The following SETDB2 variants were observed in gnomAD, a reference collection of about 807,000 sequenced individuals.
The protein encoded by SETDB2 is SET domain bifurcated histone lysine methyltransferase 2.
SETDB2 carries 56 observed loss-of-function variants against 82.5 expected under a neutral mutation model. The ratio of observed to expected loss-of-function variants is 0.68; its 90% CI spans 0.55 to 0.85. The LOEUF is 0.85. SETDB2 is among the 40% of genes least tolerant of loss of function. The pLI, the probability that SETDB2 is intolerant of heterozygous loss-of-function variation, is 0.00. For synonymous variants in SETDB2, 272 were observed against 284.9 expected, an observed-to-expected ratio of 0.95 and a Z score of 0.46; for missense variants, 677 against 816.4, an observed-to-expected ratio of 0.83 and a Z score of 2.08.
intron 11 of SETDB2, chr13:49,485,982 T>G (rs1475859177): frequency 2.3e-5 from 14 of 612,714 alleles, no homozygotes; most frequent in Non-Finnish European, 4.0e-5. Flanking sequence ...GGTGATAATA[T>G]TTTGACACTT....
intron 2 of SETDB2, among the ~76,000 whole-genome samples, chr13:49,458,957 G>A (rs1213072098): frequency 2.6e-5 from 4 of 152,186 alleles, no homozygotes; most frequent in Non-Finnish European, 4.4e-5. Flanking sequence ...TAGGGCCTTC[G>A]ATGTCATGCC....
intron 6 of SETDB2, among the ~76,000 whole-genome samples, chr13:49,477,290 G>T (rs1471377374): frequency 6.6e-6 from 1 of 152,082 alleles, no homozygotes; most frequent in Non-Finnish European, 1.5e-5. Context: ...TTAAAAATTA[G>T]CTGGGTATGG....
chr13:49,476,521 A>G lies in SETDB2; in HGVS notation c.351A>G (p.Val117=), dbSNP rs1250163908. The G allele has an allele frequency of 1.2e-6, 2 of 1,610,064 alleles. No individual in the cohort carries two copies. The highest frequency in any genetic ancestry group is 2.2e-5 in the South Asian group (2 of 90,228). ...TTCTCTCTCTTGAAGATAAAGTTGT[A>G]GACTTTAGAGAAAAAGACTCATCTT... ...KEILSLEDKV[V]DFREKDSSSN... Residue 117 remains valine (V), a synonymous_variant, in exon 6 of 14, where the codon GTA becomes GTG. Coordinates refer to ENST00000611815, the MANE Select transcript of SETDB2 (RefSeq NM_001160308.3).
intron 2 of SETDB2, among the ~76,000 whole-genome samples, chr13:49,457,435 C>CT (rs34354093): frequency 0.051 from 5,041 of 97,984 alleles, 192 homozygotes; most frequent in Non-Finnish European, 0.068. Flanking sequence ...ATTTCTAAGA[C>CT]TTTTTTTTTT....
intron 5 of SETDB2, among the ~76,000 whole-genome samples, chr13:49,470,966 C>CTTTCTTTCTTTTTTTTTTTTTT (rs10695231): frequency 2.9e-4 from 23 of 80,486 alleles, no homozygotes; most frequent in East Asian, 4.0e-4. Context: ...TTCTTTCTTT[C>CTTTCTTTCTTTTTTTTTTTTTT]TTTTTTTTTT....
At position 49,494,654 on chromosome 13, in the gene SETDB2, A is replaced by T. The variant is rs796735787; in HGVS notation, c.*2805A>T. The T allele has an allele frequency of 9.0e-5, 6 of 66,624 alleles. No individual in the cohort carries two copies. In the South Asian group the frequency reaches 3.6e-3, roughly 40 times the overall value. 4.1% of individuals were successfully genotyped at this position (66,624 alleles called of 1,614,324 possible). A position where few individuals can be genotyped will look rare whatever the true frequency, so the allele number is the denominator to read the frequency against. Reference sequence around the variant, plus strand: ...CTGCATGGAGGGCAAAAAAAAATTTAAAAATTGGCTGCTAGGGTCTGTCTG... The same window carrying T: ...CTGCATGGAGGGCAAAAAAAAATTTTAAAATTGGCTGCTAGGGTCTGTCTG... On this transcript the variant is annotated 3_prime_UTR_variant, in exon 14 of 14. Coordinates refer to ENST00000611815, the MANE Select transcript of SETDB2 (RefSeq NM_001160308.3).
chr13:49,480,609 C>T (rs938055403), intron 7 of SETDB2, among the ~76,000 whole-genome samples: 1 of 152,168 alleles, frequency 6.6e-6, no homozygotes, highest in African/African-American at 2.4e-5. Context: ...AGCCATTTCT[C>T]CGTTTAAAAA....
rs1958725900 is a variant in SETDB2 at position 49,492,166 on chromosome 13, C to G, written c.*317C>G. 4.8e-6 allele frequency: 1 copy of G among 210,152 alleles called. No homozygotes were observed. Among genetic ancestry groups the G allele is most frequent in the Admixed American group, 5.4e-5 (1 of 18,616 alleles). 13.0% of individuals were successfully genotyped at this position (210,152 alleles called of 1,614,324 possible). On this transcript the variant is annotated 3_prime_UTR_variant, in exon 14 of 14. Transcript: ENST00000611815. ...ATATTAAGAGAAACAAATGTCATAA[C>G]AGAACTCAGCTGTTTCTAATTGCTT...
At chr13:49,459,952 G>C (rs1594139049) in intron 2 of SETDB2, 155 bp from the exon 3 acceptor site, 1 of 631,076 alleles carries the variant, frequency 1.6e-6, no homozygotes, top group East Asian at 3.0e-5. Flanking sequence ...TCTTTGTAAG[G>C]AAACATTACT....
At chr13:49,471,330 A>T (rs576789920) in intron 5 of SETDB2, among the ~76,000 whole-genome samples, 1 of 152,168 alleles carries the variant, frequency 6.6e-6, no homozygotes, top group East Asian at 1.9e-4. Flanking sequence ...GTGAGTTATG[A>T]CATAGGTAAA....
chr13:49,481,599 G>A (rs925251536), intron 8 of SETDB2, among the ~76,000 whole-genome samples: 5 of 152,198 alleles, frequency 3.3e-5, no homozygotes, highest in Non-Finnish European at 7.3e-5. Context: ...CTATTTTGGG[G>A]ACTGCAGAGA....
intron 2 of SETDB2, among the ~76,000 whole-genome samples, chr13:49,454,478 A>G (rs1047282290): frequency 7.9e-5 from 12 of 152,186 alleles, no homozygotes; most frequent in Non-Finnish European, 5.9e-5. Context: ...CAACTAGAGT[A>G]CAGTAAGTAA....
chr13:49,480,322 C>A lies in SETDB2; in HGVS notation c.973C>A (p.Gln325Lys). 6.3e-7 allele frequency: 1 copy of A among 1,593,456 alleles called. No homozygotes were observed. ...ATATAAATATAAAAGACTACAGAGA[C>A]AGATTCCTACTGGGTAAGGTACCTT... ...TGYKYKRLQR[Q>K]IPTGIYECSL... The change falls in exon 7 of 14, where the codon CAG (glutamine) becomes AAG (lysine). Residue 325 changes from glutamine to lysine, a missense_variant. Transcript: ENST00000611815.
chr13:49,447,585 A>C (rs1957714315), intron 1 of SETDB2, among the ~76,000 whole-genome samples: 1 of 152,088 alleles, frequency 6.6e-6, no homozygotes, highest in South Asian at 2.1e-4. Context: ...GGGCCCCCCC[A>C]CCTTCCATGG....
chr13:49,449,192 A>AT (rs1957744641), intron 1 of SETDB2, among the ~76,000 whole-genome samples: 1 of 151,978 alleles, frequency 6.6e-6, no homozygotes, highest in Admixed American at 6.6e-5. Flanking sequence ...TTATTGACAT[A>AT]TTTTGGCCTT....
chr13:49,451,769 T>C lies in SETDB2; in HGVS notation c.-125T>C, dbSNP rs556387592. 5.9e-5 allele frequency: 35 copies of C among 597,024 alleles called. No individual in the cohort carries two copies. The African/African-American group carries it at 6.2e-4, about 11-fold the overall frequency. The allele number at this position is 597,024 out of a possible 1,614,324, so 37.0% of individuals were successfully genotyped here. On this transcript the variant is annotated 5_prime_UTR_variant, in exon 2 of 14. An upstream start codon of the reference 5' UTR is lost. Transcript: ENST00000611815. The stretch of plus-strand genomic sequence containing the variant: ...TACCAGGTTTAGAATGGTATAATGA[T>C]GTATTTTGTCTGAGGACTGCAAATT...
In SETDB2 at chr13:49,491,981, AT is replaced by A. The variant is rs1958722504; in HGVS notation, c.*136del. 3 of 739,554 alleles carry A rather than the reference AT, an allele frequency of 4.1e-6. No individual in the cohort carries two copies. The highest frequency in any genetic ancestry group is 7.2e-6 in the Non-Finnish European group (3 of 414,692). The allele number at this position is 739,554 out of a possible 1,614,324, so 45.8% of individuals were successfully genotyped here. The stretch of plus-strand genomic sequence containing the variant: ...TCATGGGGTTTATGTTTTATTTCAG[AT>A]TTTATTTGTGTGACTTAGAAATTCC... On this transcript the variant is annotated 3_prime_UTR_variant, in exon 14 of 14. Transcript: ENST00000611815.
At chr13:49,472,006 A>G (rs866996275) in intron 5 of SETDB2, among the ~76,000 whole-genome samples, 1 of 149,238 alleles carries the variant, frequency 6.7e-6, no homozygotes, top group Non-Finnish European at 1.5e-5. Flanking sequence ...CCTGGGCTCA[A>G]TGAATCCTCC....
intron 5 of SETDB2, 58 bp downstream of exon 5, chr13:49,468,018 A>G (rs973912459): frequency 1.7e-5 from 21 of 1,255,350 alleles, no homozygotes; most frequent in South Asian, 3.1e-5. Flanking sequence ...TCTTCTTTAT[A>G]AATCACTTGA....
Sources: allele counts gnomAD v4.1 joint callset (sites outside exome capture counted in the v4.1 genomes callset), GRCh38; gene constraint gnomAD v4.1.1; transcripts MANE v1.5; gene names NCBI Gene and HGNC (gene_info 2026-07-23, HGNC 2026-07-21).